The following MARCHF1 variants were observed in gnomAD, a reference collection of about 807,000 sequenced individuals.
The protein encoded by MARCHF1 is E3 ubiquitin-protein ligase MARCHF1.
Under a neutral mutation model 54.2 loss-of-function variants are expected in MARCHF1, and 40 were observed. The ratio of observed to expected loss-of-function variants is 0.74; its 90% confidence interval spans 0.57 to 0.96. MARCHF1 has a LOEUF of 0.96. Among genes scored for constraint, MARCHF1 ranks in the 40% least tolerant of loss-of-function variants. The pLI is 0.00. For missense variants in MARCHF1, 586 were observed against 656.5 expected (o/e 0.89, Z 1.17); for synonymous variants, 236 against 236.3 (o/e 1.00, Z 0.01).
intron 4 of MARCHF1, among the ~76,000 whole-genome samples, chr4:163,816,863 C>T (rs1748547435): frequency 6.6e-6 from 1 of 151,908 alleles, no homozygotes; most frequent in Non-Finnish European, 1.5e-5. Context: ...CACTTCACTC[C>T]CCCCGCTGTG....
intron 2 of MARCHF1, among the ~76,000 whole-genome samples, chr4:164,000,233 T>C (rs1349046065): frequency 6.6e-6 from 1 of 151,710 alleles, no homozygotes. Context: ...GTCAAAAATA[T>C]AAAACATTAA....
chr4:163,633,164 C>G (rs1302199591), intron 5 of MARCHF1, among the ~76,000 whole-genome samples: 2 of 152,162 alleles, frequency 1.3e-5, no homozygotes, highest in Non-Finnish European at 2.9e-5. Flanking sequence ...AACAGAAAAA[C>G]TGGAAACTCT....
intron 5 of MARCHF1, among the ~76,000 whole-genome samples, chr4:163,655,853 A>C (rs914902595): frequency 1.1e-4 from 17 of 152,080 alleles, no homozygotes; most frequent in Non-Finnish European, 4.4e-5. Context: ...GTTCTTTGAA[A>C]CTAATGAAAA....
intron 8 of MARCHF1, among the ~76,000 whole-genome samples, chr4:163,554,589 T>G (rs1739222972): frequency 6.6e-6 from 1 of 152,228 alleles, no homozygotes; most frequent in African/African-American, 2.4e-5. Context: ...GACCCCTGTC[T>G]GGCTTGGGTC....
intron 5 of MARCHF1, among the ~76,000 whole-genome samples, chr4:163,647,526 C>A (rs1742805721): frequency 6.6e-6 from 1 of 151,890 alleles, no homozygotes; most frequent in Non-Finnish European, 1.5e-5. Flanking sequence ...GAAAACAAGT[C>A]TTAACAAATT....
intron 1 of MARCHF1, among the ~76,000 whole-genome samples, chr4:164,317,000 T>C (rs1275377406): frequency 1.3e-5 from 2 of 152,198 alleles, no homozygotes; most frequent in Non-Finnish European, 2.9e-5. Context: ...CTTTCCTTTA[T>C]AAATTGCCGA....
intron 1 of MARCHF1, among the ~76,000 whole-genome samples, chr4:164,329,187 T>C (rs907442705): frequency 1.3e-5 from 2 of 152,200 alleles, no homozygotes; most frequent in African/African-American, 4.8e-5. Context: ...AACTAACAGA[T>C]GCACTTTGGC....
chr4:164,140,952 T>C (rs1010188960), intron 1 of MARCHF1, among the ~76,000 whole-genome samples: 2 of 152,194 alleles, frequency 1.3e-5, no homozygotes, highest in East Asian at 3.8e-4. Flanking sequence ...TCCATGAGGG[T>C]TAGCATAAGA....
intron 4 of MARCHF1, among the ~76,000 whole-genome samples, chr4:163,838,912 T>A (rs1183400005): frequency 6.6e-6 from 1 of 152,022 alleles, no homozygotes; most frequent in African/African-American, 2.4e-5. Flanking sequence ...TTGGATTTCA[T>A]CAAAGTGAAA....
intron 1 of MARCHF1, among the ~76,000 whole-genome samples, chr4:164,293,157 C>G (rs1346945010): frequency 3.9e-5 from 6 of 152,070 alleles, no homozygotes; most frequent in African/African-American, 1.2e-4. Flanking sequence ...TAGCCTAAAA[C>G]TTGAATTCCT....
intron 1 of MARCHF1, among the ~76,000 whole-genome samples, chr4:164,149,970 CTT>C (rs1370641649): frequency 6.6e-6 from 1 of 152,080 alleles, no homozygotes; most frequent in Admixed American, 6.6e-5. Flanking sequence ...ATGAAAATCT[CTT>C]TGTTACTCAA....
chr4:164,364,412 A>G (rs1730820333), intron 1 of MARCHF1, among the ~76,000 whole-genome samples: 1 of 152,146 alleles, frequency 6.6e-6, no homozygotes, highest in African/African-American at 2.4e-5. Context: ...TGGTAAATAA[A>G]GTAAGCATCT....
intron 2 of MARCHF1, among the ~76,000 whole-genome samples, chr4:164,094,695 C>T (rs150068666): frequency 1.3e-5 from 2 of 152,124 alleles, no homozygotes; most frequent in East Asian, 3.9e-4. Context: ...ATATTCAAAG[C>T]AAACTTCAGG....
chr4:163,796,221 G>GTTTTT (rs36039503), intron 4 of MARCHF1, among the ~76,000 whole-genome samples: 77 of 82,214 alleles, frequency 9.4e-4, no homozygotes, highest in South Asian at 1.5e-3. Context: ...GAAACTTCTA[G>GTTTTT]TTTTTTTTTT....
chr4:163,583,652 G>GTTTTTTTTTTTTTTTTTT (rs11350711), intron 8 of MARCHF1: 5 of 123,824 alleles, frequency 4.0e-5, no homozygotes, highest in African/African-American at 6.3e-5. Context: ...TTTTTTGTGT[G>GTTTTTTTTTTTTTTTTTT]TTTTTTTTTT....
At chr4:164,220,720 G>GCT (rs1376863885) in intron 1 of MARCHF1, among the ~76,000 whole-genome samples, 16 of 142,322 alleles carry the variant, frequency 1.1e-4, no homozygotes, top group Admixed American at 3.5e-4. Flanking sequence ...TAATATATAT[G>GCT]ATATATGTAT....
rs890305133 is a variant in MARCHF1 at position 163,527,986 on chromosome 4, T to C, written c.*762A>G. On this transcript the variant is annotated 3_prime_UTR_variant, in exon 10 of 10. Transcript: ENST00000514618. ...GTGGCCTGCATTTGTGGCTGTTGTGTTTCTATTGGACAGCACTGTATTAGA... is the reference window on the plus strand; with the variant it reads ...GTGGCCTGCATTTGTGGCTGTTGTGCTTCTATTGGACAGCACTGTATTAGA... 1 of 152,526 alleles carries C rather than the reference T, an allele frequency of 6.6e-6. No individual in the cohort carries two copies. The highest frequency in any genetic ancestry group is 1.5e-5 in the Non-Finnish European group (1 of 67,982). 9.4% of individuals were successfully genotyped at this position (152,526 alleles called of 1,614,324 possible). A position where few individuals can be genotyped will look rare whatever the true frequency, so the allele number is the denominator to read the frequency against.
chr4:163,985,742 A>T (rs1000270119), intron 3 of MARCHF1, among the ~76,000 whole-genome samples: 2 of 152,190 alleles, frequency 1.3e-5, no homozygotes, highest in African/African-American at 4.8e-5. Context: ...ATTTAAATTA[A>T]TTACAACTAA....
At chr4:164,031,124 A>G (rs957722321) in intron 2 of MARCHF1, among the ~76,000 whole-genome samples, 3 of 152,146 alleles carry the variant, frequency 2.0e-5, no homozygotes, top group African/African-American at 7.2e-5. Context: ...AGGAGTGGTG[A>G]CAGAAGGCAT....
Sources: gnomAD v4.1 joint callset for allele counts (sites outside exome capture counted in the v4.1 genomes callset) on GRCh38, gnomAD v4.1.1 for gene constraint, MANE v1.5 for transcripts, NCBI Gene and HGNC (gene_info 2026-07-23, HGNC 2026-07-21) for gene names.